Variants in RNF215 observed in about 807,000 individuals in gnomAD.
RNF215 encodes ring finger protein 215.
In RNF215, 41 loss-of-function variants were observed where a neutral mutation model predicts 44.8. The observed-to-expected ratio is 0.92, with a 90% CI of 0.71 to 1.19. The LOEUF (loss-of-function observed/expected upper bound fraction) is 1.19. Among genes scored for constraint, RNF215 ranks in the 50% most tolerant of loss-of-function variants. RNF215 has a pLI of 0.00. For missense variants in RNF215, 452 were observed against 496.2 expected (o/e 0.91, Z 0.85); for synonymous variants, 218 against 230.1 (o/e 0.95, Z 0.48).
rs751258397 is a variant in RNF215 at position 30,385,953 on chromosome 22, C to T, written c.538G>A (p.Val180Ile). ...ISQLLLRPVI[V>I]LHYSSNVTKL... ...GTGACATTGGAGGAATAATGGAGGACGATCACTGGCCTGAGCAGAAGCTGG... is the reference window on the plus strand; with the variant it reads ...GTGACATTGGAGGAATAATGGAGGATGATCACTGGCCTGAGCAGAAGCTGG... The change falls in exon 4 of 9, where the codon GTC (valine) becomes ATC (isoleucine). Residue 180 changes from valine to isoleucine, a missense_variant. By Grantham distance (29) the Val-to-Ile change is conservative (BLOSUM62 3). Transcript: ENST00000382363. The T allele has an allele frequency of 2.8e-5, 45 of 1,613,988 alleles. No individual in the cohort carries two copies. The highest frequency in any genetic ancestry group is 3.4e-5 in the Non-Finnish European group (40 of 1,180,020).
Position 30,379,824 on chromosome 22 carries a change from G to C in RNF215, c.1009-11C>G, listed in dbSNP as rs1018017560. ...CAGCACCCGGAGCCACTACAGGGGT[G>C]GGGGAGGAAGGGCTCAGGTCACCGA... On this transcript the variant is annotated splice_polypyrimidine_tract_variant and intron_variant, in intron 7 of 8. Coordinates refer to ENST00000382363, the MANE Select transcript of RNF215 (RefSeq NM_001017981.2). 18 of 1,572,152 alleles carry C rather than the reference G, an allele frequency of 1.1e-5. No individual in the cohort carries two copies. In the East Asian group the frequency reaches 1.6e-4, roughly 14 times the overall value.
Position 30,380,911 on chromosome 22 carries a change from G to C in RNF215, c.745-510C>G, listed in dbSNP as rs1933521759. 6.6e-6 allele frequency among the ~76,000 whole-genome samples: 1 copy of C among 152,144 alleles called. No individual in the cohort carries two copies. The highest frequency in any genetic ancestry group is 2.4e-5 in the African/African-American group (1 of 41,412). On this transcript the variant is annotated intron_variant, in intron 5 of 8. Coordinates refer to ENST00000382363, the MANE Select transcript of RNF215 (RefSeq NM_001017981.2). The surrounding 1 kb of genome is among the most constrained non-coding windows in gnomAD (Gnocchi z 5.3). Reference sequence around the variant, plus strand: ...GGCCTGTTGCTTCGTTCTCCTGGGTGGGGGTGGGTCTCATGCCCTCCTTGC... The same window carrying C: ...GGCCTGTTGCTTCGTTCTCCTGGGTCGGGGTGGGTCTCATGCCCTCCTTGC...
chr22:30,380,503 G>T lies in RNF215; in HGVS notation c.745-102C>A. 7.1e-7 allele frequency: 1 copy of T among 1,415,968 alleles called. No homozygotes were observed. The highest frequency in any genetic ancestry group is 9.5e-7 in the Non-Finnish European group (1 of 1,055,722). The allele number at this position is 1,415,968 out of a possible 1,614,324, so 87.7% of individuals were successfully genotyped here. A position where few individuals can be genotyped will look rare whatever the true frequency, so the allele number is the denominator to read the frequency against. On this transcript the variant is annotated intron_variant, in intron 5 of 8. Transcript: ENST00000382363. The surrounding 1 kb of genome is among the most constrained non-coding windows in gnomAD (Gnocchi z 5.3). The stretch of plus-strand genomic sequence containing the variant: ...GCCAGGGAGCAGGCAGGTGAGGTAT[G>T]CTGACGGCCTCTGTGTCCCTGCAGT...
Position 30,380,753 on chromosome 22 carries a change from G to A in RNF215, c.745-352C>T, listed in dbSNP as rs1420428033. 6.6e-6 allele frequency among the ~76,000 whole-genome samples: 1 copy of A among 152,026 alleles called. No individual in the cohort carries two copies. Among genetic ancestry groups the A allele is most frequent in the African/African-American group, 2.4e-5 (1 of 41,390 alleles). ...ACCCAGCAACCCAGCACCCAGCCTG[G>A]GACCTGCTCACTCTCCCACCCCCAT... On this transcript the variant is annotated intron_variant, in intron 5 of 8. Coordinates refer to ENST00000382363, the MANE Select transcript of RNF215 (RefSeq NM_001017981.2). This position sits in a 1 kb window ranked among gnomAD's most constrained non-coding sequence, Gnocchi z 5.3.
chr22:30,380,955 G>A lies in RNF215; in HGVS notation c.745-554C>T, dbSNP rs1176286039. On this transcript the variant is annotated intron_variant, in intron 5 of 8. Transcript: ENST00000382363. The surrounding 1 kb of genome is among the most constrained non-coding windows in gnomAD (Gnocchi z 5.3). ...TCCTTGCCACCCACTTCCCACCCAC[G>A]GTCAGAGGGTTCTCCCCTGCACACC... Among the ~76,000 whole-genome samples the A allele has an allele frequency of 4.6e-5, 7 of 152,080 alleles. No individual in the cohort carries two copies. The highest frequency in any genetic ancestry group is 4.8e-5 in the African/African-American group (2 of 41,414).
chr22:30,384,666 C>G, intron 4 of RNF215, 171 bp from the exon 5 acceptor site: 1 of 582,818 alleles, frequency 1.7e-6, no homozygotes. Context: ...TCACACCAGC[C>G]AGGCCAGGGA....
Position 30,379,635 on chromosome 22 carries a change from GGAA to G in RNF215, c.1112-16_1112-14del, listed in dbSNP as rs764329939. 1.4e-5 allele frequency: 21 copies of G among 1,551,742 alleles called. No homozygotes were observed. In the Admixed American group the frequency reaches 1.4e-4, roughly 10 times the overall value. ...GAGTAGCGGTTCCCTGCAGGGGAGG[GGAA>G]GAAGAACAGGGAGAGAGGCATCAGG... On this transcript the variant is annotated splice_polypyrimidine_tract_variant and intron_variant, in intron 8 of 8. Transcript: ENST00000382363.
Sources: gnomAD v4.1 joint callset for allele counts (sites outside exome capture counted in the v4.1 genomes callset) on GRCh38, gnomAD v4.1.1 for gene constraint, Gnocchi (gnomAD v3.1) non-coding constraint, MANE v1.5 for transcripts, NCBI Gene and HGNC (gene_info 2026-07-23, HGNC 2026-07-21) for gene names.